The following MYO9B variants were observed in gnomAD, a reference collection of about 807,000 sequenced individuals.
MYO9B encodes myosin IXB, also known as unconventional myosin-IXb.
In MYO9B, 71 loss-of-function variants were observed where a neutral mutation model predicts 229.5. The ratio of observed to expected loss-of-function variants is 0.31; its 90% CI spans 0.26 to 0.38. The LOEUF is 0.38. MYO9B is among the 10% of genes least tolerant of loss of function. The pLI is 1.00. For missense variants in MYO9B, 2,255 were observed against 2,920.5 expected, an observed-to-expected ratio of 0.77 and a Z score of 5.25; for synonymous variants, 1,185 against 1,235.8, an observed-to-expected ratio of 0.96 and a Z score of 0.86.
At chr19:17,126,668 T>A (rs910019545) in intron 2 of MYO9B, among the ~76,000 whole-genome samples, 1 of 139,934 alleles carries the variant, frequency 7.1e-6, no homozygotes, top group Non-Finnish European at 1.5e-5. Context: ...TTTTTTTTTC[T>A]TTTTTTTTTT....
Position 17,145,481 on chromosome 19 carries a change from A to G in MYO9B, c.925A>G (p.Ile309Val). The G allele has an allele frequency of 6.2e-7, 1 of 1,613,926 alleles. No individual in the cohort carries two copies. The stretch of plus-strand genomic sequence containing the variant: ...CCAAGTCAGCTACCTAGAGAGTGGC[A>G]TCGTGAGAGGGTGAGGTGTCCCTGG... The part of the protein sequence containing the change: ...FIQVSYLESG[I>V]VRGAVVEKYL... Residue 309 changes from isoleucine (I) to valine (V), a missense_variant, in exon 3 of 40, where the codon ATC becomes GTC. Ile to Val is a conservative substitution (Grantham distance 29). Transcript: ENST00000682292.
At chr19:17,144,184 C>A (rs2072378391) in intron 2 of MYO9B, among the ~76,000 whole-genome samples, 1 of 151,982 alleles carries the variant, frequency 6.6e-6, no homozygotes, top group Admixed American at 6.6e-5. Flanking sequence ...CCACTACACT[C>A]CAGCCTGGGC....
At chr19:17,105,516 T>C (rs1056204760) in intron 2 of MYO9B, among the ~76,000 whole-genome samples, 2 of 151,878 alleles carry the variant, frequency 1.3e-5, no homozygotes, top group African/African-American at 4.8e-5. Context: ...GGAGAGGAGA[T>C]TCCTCCATGT....
chr19:17,086,353 C>T (rs2057583191), intron 1 of MYO9B, among the ~76,000 whole-genome samples: 1 of 152,210 alleles, frequency 6.6e-6, no homozygotes, highest in South Asian at 2.1e-4. Context: ...GGCTGCTGTC[C>T]TCAAGCTCTG....
At chr19:17,141,790 A>G (rs1274626913) in intron 2 of MYO9B, among the ~76,000 whole-genome samples, 1 of 152,214 alleles carries the variant, frequency 6.6e-6, no homozygotes, top group Non-Finnish European at 1.5e-5. Context: ...GGAAGGCCCC[A>G]GAGGGGACCC....
intron 1 of MYO9B, among the ~76,000 whole-genome samples, chr19:17,087,261 T>C (rs1381251029): frequency 6.6e-6 from 1 of 152,076 alleles, no homozygotes; most frequent in African/African-American, 2.4e-5. Flanking sequence ...GTGGCCAGAA[T>C]GCGCTGAAAG....
Position 17,211,692 on chromosome 19 carries a change from G to C in MYO9B, c.5976G>C (p.Ser1992=), listed in dbSNP as rs762425820. The change falls in exon 39 of 40, where the codon TCG becomes TCC. Residue 1992 remains serine (S), a synonymous_variant. Coordinates refer to ENST00000682292, the MANE Select transcript of MYO9B (RefSeq NM_004145.4). The stretch of plus-strand genomic sequence containing the variant: ...TGCCGGAGCTGGACCCAAGGGGCTC[G>C]GACGAGGAGAACCTGGACTCGGAGA... ...YRLPELDPRG[S]DEENLDSETS... is the part of the protein sequence containing the mutation. 2.5e-6 allele frequency: 4 copies of C among 1,612,088 alleles called. No homozygotes were observed. The African/African-American group carries it at 5.3e-5, about 22-fold the overall frequency.
intron 3 of MYO9B, among the ~76,000 whole-genome samples, chr19:17,148,197 G>C (rs1268306285): frequency 6.6e-6 from 1 of 152,172 alleles, no homozygotes; most frequent in Non-Finnish European, 1.5e-5. Flanking sequence ...CACAGATACT[G>C]TTGCTACAGT....
At chr19:17,097,933 G>C (rs532168195) in intron 1 of MYO9B, among the ~76,000 whole-genome samples, 4 of 152,094 alleles carry the variant, frequency 2.6e-5, no homozygotes, top group Admixed American at 1.3e-4. Flanking sequence ...AAGGAGTGTG[G>C]GCAAGGCTGC....
chr19:17,130,619 C>CAA (rs879710104), intron 2 of MYO9B, among the ~76,000 whole-genome samples: 4 of 110,342 alleles, frequency 3.6e-5, no homozygotes, highest in Admixed American at 9.9e-5. Context: ...GACTCCGTCT[C>CAA]AAAAAAAAAA....
intron 22 of MYO9B, among the ~76,000 whole-genome samples, chr19:17,196,764 T>G (rs879693513): frequency 8.0e-4 from 118 of 147,806 alleles, no homozygotes; most frequent in Non-Finnish European, 9.2e-4. Flanking sequence ...GATAGGTAGG[T>G]AGAGACAATG....
In MYO9B at chr19:17,145,479, G is replaced by T; in HGVS notation, c.923G>T (p.Gly308Val). 6.2e-7 allele frequency: 1 copy of T among 1,613,988 alleles called. No homozygotes were observed. Among genetic ancestry groups the T allele is most frequent in the African/African-American group, 1.3e-5 (1 of 75,064 alleles). ...ATCCAAGTCAGCTACCTAGAGAGTG[G>T]CATCGTGAGAGGGTGAGGTGTCCCT... ...KFIQVSYLES[G>V]IVRGAVVEKY... The change falls in exon 3 of 40, where the codon GGC (glycine) becomes GTC (valine). Residue 308 changes from glycine to valine, a missense_variant. Gly to Val is a moderately radical substitution (Grantham distance 109). This residue lies in a region of MYO9B where 386 missense variants were observed against 515.2 expected (regional missense o/e 0.75). Coordinates refer to ENST00000682292, the MANE Select transcript of MYO9B (RefSeq NM_004145.4).
intron 1 of MYO9B, among the ~76,000 whole-genome samples, chr19:17,092,008 C>T (rs903990026): frequency 2.0e-5 from 3 of 152,228 alleles, no homozygotes; most frequent in African/African-American, 2.4e-5. Flanking sequence ...GGTGCTCCAT[C>T]AGCAGTCCCT....
intron 1 of MYO9B, among the ~76,000 whole-genome samples, chr19:17,099,679 G>A (rs911393874): frequency 3.3e-5 from 5 of 151,634 alleles, no homozygotes; most frequent in East Asian, 2.0e-4. Context: ...TTAGCCAGGC[G>A]CGGTGGCGGG....
intron 14 of MYO9B, among the ~76,000 whole-genome samples, chr19:17,180,257 T>TAAATA: frequency 1.1e-5 from 1 of 91,058 alleles, no homozygotes; most frequent in African/African-American, 5.8e-5. Context: ...TAAATAAATA[T>TAAATA]CCCCAAAGGC....
intron 22 of MYO9B, 65 bp from the exon 23 acceptor site, chr19:17,197,727 C>G: frequency 6.3e-7 from 1 of 1,588,132 alleles, no homozygotes; most frequent in African/African-American, 1.3e-5. Flanking sequence ...CCAAGAACCA[C>G]TAAGACAAGA....
intron 11 of MYO9B, among the ~76,000 whole-genome samples, chr19:17,168,934 A>G (rs1392530706): frequency 6.6e-6 from 1 of 152,128 alleles, no homozygotes; most frequent in Non-Finnish European, 1.5e-5. Flanking sequence ...TCAATAAGGC[A>G]CCTCATTCTG....
intron 19 of MYO9B, among the ~76,000 whole-genome samples, chr19:17,188,520 C>T (rs1043232180): frequency 2.0e-5 from 3 of 151,860 alleles, no homozygotes; most frequent in African/African-American, 4.8e-5. Context: ...GAGGTGACAG[C>T]GCCTGGTTCC....
At chr19:17,107,557 C>T (rs1002119343) in intron 2 of MYO9B, among the ~76,000 whole-genome samples, 31 of 152,178 alleles carry the variant, frequency 2.0e-4, no homozygotes, top group Non-Finnish European at 4.1e-4. Flanking sequence ...GATTAAGGCT[C>T]TCATGGTCCT....
Sources: gnomAD v4.1 joint callset for allele counts (sites outside exome capture counted in the v4.1 genomes callset) on GRCh38, gnomAD v4.1.1 for gene constraint, gnomAD v4.1.1 regional missense constraint, MANE v1.5 for transcripts, NCBI Gene and HGNC (gene_info 2026-07-23, HGNC 2026-07-21) for gene names.